Variants in IL26 observed in about 807,000 individuals in gnomAD.
IL26 encodes interleukin-26.
IL26 carries 23 observed loss-of-function variants against 21.7 expected under a neutral mutation model. The observed-to-expected ratio is 1.06, with a 90% CI of 0.76 to 1.50. IL26 has a LOEUF of 1.50. Among genes scored for constraint, IL26 ranks in the 40% most tolerant of loss-of-function variants. IL26 has a pLI of 0.00. For missense variants in IL26, 204 were observed against 196.0 expected, an observed-to-expected ratio of 1.04 and a Z score of -0.24; for synonymous variants, 63 against 67.8, an observed-to-expected ratio of 0.93 and a Z score of 0.34.
intron 3 of IL26, among the ~76,000 whole-genome samples, chr12:68,220,352 G>T (rs1020454184): frequency 6.6e-6 from 1 of 152,048 alleles, no homozygotes; most frequent in African/African-American, 2.4e-5. Context: ...ATATATTATT[G>T]CCAAGTAGAG....
chr12:68,208,636 G>A (rs1868614643), intron 3 of IL26, among the ~76,000 whole-genome samples: 1 of 152,014 alleles, frequency 6.6e-6, no homozygotes, highest in Non-Finnish European at 1.5e-5. Context: ...CCAAGTAGCT[G>A]GGATTACAGG....
At chr12:68,224,636 AGAAG>A (rs1332065584) in intron 3 of IL26, among the ~76,000 whole-genome samples, 4 of 147,434 alleles carry the variant, frequency 2.7e-5, no homozygotes, top group South Asian at 2.3e-4. Context: ...AAGTAAAGAA[AGAAG>A]GAAGGAAGGA....
At chr12:68,212,478 G>A (rs1231334270) in intron 3 of IL26, among the ~76,000 whole-genome samples, 2 of 152,018 alleles carry the variant, frequency 1.3e-5, no homozygotes, top group Non-Finnish European at 1.5e-5. Flanking sequence ...ATAGCTTTGG[G>A]TAGTATTGAT....
intron 3 of IL26, 84 bp downstream of exon 3, chr12:68,225,065 C>T: frequency 7.1e-7 from 1 of 1,409,790 alleles, no homozygotes; most frequent in Non-Finnish European, 9.5e-7. Flanking sequence ...TTTACTCACC[C>T]TTTGGTGTGA....
intron 3 of IL26, among the ~76,000 whole-genome samples, chr12:68,214,400 C>T (rs1262451861): frequency 6.6e-6 from 1 of 152,074 alleles, no homozygotes; most frequent in East Asian, 1.9e-4. Context: ...CTTTTCCTGT[C>T]TAAATGATCT....
intron 3 of IL26, among the ~76,000 whole-genome samples, chr12:68,211,409 T>C (rs1419569168): frequency 1.3e-5 from 2 of 152,218 alleles, no homozygotes; most frequent in Admixed American, 6.5e-5. Context: ...TTCCTTTCTT[T>C]AGGATATATA....
At chr12:68,225,410 G>A in intron 2 of IL26, 34 bp downstream of exon 2, 1 of 1,535,566 alleles carries the variant, frequency 6.5e-7, no homozygotes, top group Non-Finnish European at 8.9e-7. Context: ...CAAATAAGTG[G>A]AAATGTAAAA....
chr12:68,217,023 C>T (rs1034169007), intron 3 of IL26, among the ~76,000 whole-genome samples: 3 of 152,046 alleles, frequency 2.0e-5, no homozygotes, highest in Non-Finnish European at 4.4e-5. Context: ...TGTCTTCTTA[C>T]ATAAACAATT....
intron 3 of IL26, among the ~76,000 whole-genome samples, chr12:68,206,068 C>A (rs760945674): frequency 1.4e-4 from 21 of 152,198 alleles, no homozygotes; most frequent in Non-Finnish European, 2.2e-4. Context: ...GCCATAGACA[C>A]AATCTATTTT....
intron 3 of IL26, among the ~76,000 whole-genome samples, chr12:68,212,451 T>C (rs1171203899): frequency 6.6e-6 from 1 of 152,142 alleles, no homozygotes; most frequent in Non-Finnish European, 1.5e-5. Flanking sequence ...TTGATAGAAA[T>C]TGCATTTAAT....
chr12:68,215,140 T>C (rs994831562), intron 3 of IL26, among the ~76,000 whole-genome samples: 1 of 152,182 alleles, frequency 6.6e-6, no homozygotes, highest in East Asian at 1.9e-4. Context: ...GGAAAAACTT[T>C]TAAAAACTAT....
In IL26 at chr12:68,219,167, G is replaced by T. The variant is rs73332725; in HGVS notation, c.363+5982C>A. ...AATAAAGAGAGAGAAAAAGTAAAAAGCTGTCACAACTAAATCTAATTGAAA... is the reference window on the plus strand; with the variant it reads ...AATAAAGAGAGAGAAAAAGTAAAAATCTGTCACAACTAAATCTAATTGAAA... On this transcript the variant is annotated intron_variant, in intron 3 of 4. Transcript: ENST00000229134. 3.9e-5 allele frequency among the ~76,000 whole-genome samples: 6 copies of T among 152,030 alleles called. No individual in the cohort carries two copies. In the South Asian group the frequency reaches 1.0e-3, roughly 26 times the overall value.
Position 68,225,034 on chromosome 12 carries a change from G to A in IL26, c.363+115C>T, listed in dbSNP as rs1869197362. Reference sequence around the variant, plus strand: ...GATGACCTCTCCATTTGGACTACAAGCCAACAATTACAAAGCTCGTTTTAC... The same window carrying A: ...GATGACCTCTCCATTTGGACTACAAACCAACAATTACAAAGCTCGTTTTAC... On this transcript the variant is annotated intron_variant, in intron 3 of 4. Transcript: ENST00000229134. 2.9e-6 allele frequency: 3 copies of A among 1,040,994 alleles called. No individual in the cohort carries two copies. The East Asian group carries it at 7.5e-5, about 26-fold the overall frequency. The allele number at this position is 1,040,994 out of a possible 1,614,324, so 64.5% of individuals were successfully genotyped here. A position where few individuals can be genotyped will look rare whatever the true frequency, so the allele number is the denominator to read the frequency against.
Position 68,214,204 on chromosome 12 carries a change from T to C in IL26, c.363+10945A>G, listed in dbSNP as rs144725495. ...TGTTTATTTCTGTTTTATTCCATTG[T>C]GGTCAGAAAAGATACTTGACATAAT... is the stretch of plus-strand genomic sequence containing the variant. On this transcript the variant is annotated intron_variant, in intron 3 of 4. Coordinates refer to ENST00000229134, the MANE Select transcript of IL26 (RefSeq NM_018402.2). Among the ~76,000 whole-genome samples, 1,161 of 152,298 alleles carry C rather than the reference T, an allele frequency of 7.6e-3. 18 individuals carry two copies. The highest frequency in any genetic ancestry group is 0.027 in the African/African-American group (1,106 of 41,562).
intron 3 of IL26, among the ~76,000 whole-genome samples, chr12:68,204,345 G>A (rs910429076): frequency 6.6e-6 from 1 of 151,790 alleles, no homozygotes; most frequent in East Asian, 1.9e-4. Context: ...GGGTTTCACC[G>A]TGTTAGCCAG....
At chr12:68,216,914 C>T (rs1004768020) in intron 3 of IL26, among the ~76,000 whole-genome samples, 2 of 152,092 alleles carry the variant, frequency 1.3e-5, no homozygotes, top group African/African-American at 4.8e-5. Context: ...CTATTTTGAT[C>T]ACTAGCAATT....
chr12:68,220,246 T>C (rs994395203), intron 3 of IL26, among the ~76,000 whole-genome samples: 1 of 152,156 alleles, frequency 6.6e-6, no homozygotes, highest in Admixed American at 6.5e-5. Flanking sequence ...ACACAGATAT[T>C]ACAAGAAAAC....
At chr12:68,223,884 G>GTTTTTTTTTTTTTTT (rs376115904) in intron 3 of IL26, among the ~76,000 whole-genome samples, 2 of 132,272 alleles carry the variant, frequency 1.5e-5, no homozygotes, top group Non-Finnish European at 1.6e-5. Context: ...AAATTTGGTG[G>GTTTTTTTTTTTTTTT]TTTTTTTTTT....
intron 3 of IL26, among the ~76,000 whole-genome samples, chr12:68,205,937 C>G (rs1262587716): frequency 6.6e-6 from 1 of 152,240 alleles, no homozygotes; most frequent in South Asian, 2.1e-4. Flanking sequence ...GGTTCAGAAA[C>G]ACTCATCTCC....
Sources: allele counts gnomAD v4.1 joint callset (sites outside exome capture counted in the v4.1 genomes callset), GRCh38; gene constraint gnomAD v4.1.1; transcripts MANE v1.5; gene names NCBI Gene and HGNC (gene_info 2026-07-23, HGNC 2026-07-21).